PKD1: variants seen among roughly 807,000 people sequenced by gnomAD.
PKD1 encodes the protein polycystin 1, transient receptor potential channel interacting, also known as polycystin-1.
Under a neutral mutation model 361.7 loss-of-function variants are expected in PKD1, and 81 were observed. That is an observed-to-expected ratio of 0.22 (90% CI 0.19 to 0.27). PKD1 has a LOEUF of 0.27. Ranked by LOEUF, PKD1 falls within the 10% of genes least tolerant of loss-of-function variation. PKD1 has a pLI of 1.00. For synonymous variants in PKD1, 3,615 were observed against 2,818.3 expected (o/e 1.28, Z -8.95); for missense variants, 6,399 against 6,118.3 (o/e 1.05, Z -1.53).
intron 11 of PKD1, chr16:2,113,772 T>C (rs1177501801): frequency 6.0e-5 from 23 of 385,270 alleles, no homozygotes; most frequent in Non-Finnish European, 9.8e-5. Context: ...CTGTCCCCCA[T>C]GTACCCAGCA....
chr16:2,101,037 G>C (rs190307114), intron 26 of PKD1, among the ~76,000 whole-genome samples: 3 of 151,906 alleles, frequency 2.0e-5, no homozygotes, highest in African/African-American at 7.3e-5. Flanking sequence ...CCAGGCTGGA[G>C]TGCAGTGGCG....
At chr16:2,107,447 T>G (rs1336273981) in intron 16 of PKD1, 3 of 359,190 alleles carry the variant, frequency 8.4e-6, no homozygotes, top group African/African-American at 2.1e-5. Flanking sequence ...AGACGCCCAC[T>G]CTGGGGCACC....
At position 2,092,175 on chromosome 16, in the gene PKD1, G is replaced by A. The variant is rs779820557; in HGVS notation, c.11283C>T (p.Asp3761=). 33 of 1,605,912 alleles carry A rather than the reference G, an allele frequency of 2.1e-5. No homozygotes were observed. The South Asian group carries it at 3.2e-4, about 16-fold the overall frequency. The change falls in exon 40 of 46, where the codon GAC becomes GAT. Residue 3761 remains aspartate (D), a synonymous_variant. Transcript: ENST00000262304. The part of the protein sequence containing the change: ...QVRLQEALYP[D]PPGPRVHTCS... ...ACGTGTGGACCCTGGGGCCGGGAGG[G>A]TCTGGGTAGAGTGCTGAAACACACA...
At chr16:2,112,621 C>A in intron 13 of PKD1, 148 bp from the exon 14 acceptor site, 1 of 994,050 alleles carries the variant, frequency 1.0e-6, no homozygotes, top group Non-Finnish European at 1.5e-6. Context: ...TGAGGCCTCT[C>A]CCGGCTCCCG....
In PKD1 at chr16:2,097,386, CA is replaced by C. The variant is rs773494647; in HGVS notation, c.10337del (p.Leu3446ArgfsTer27). On this transcript the variant is annotated frameshift_variant, in exon 33 of 46. Transcript: ENST00000262304. LOFTEE classifies it high-confidence loss of function. ...GGGAGAAGCCGTCCTCCTCTGGGCC[CA>C]GCCCATGGCCCGCCTGGCCCCGTGC... ...QLARGQAGHG[L>X]GPEEDGFSLA... 2.9e-5 allele frequency: 46 copies of C among 1,611,390 alleles called. No individual in the cohort carries two copies. Among genetic ancestry groups the C allele is most frequent in the Admixed American group, 6.7e-5 (4 of 60,002 alleles).
In PKD1 at chr16:2,089,874, G is replaced by A. The variant is rs62038811; in HGVS notation, c.12765C>T (p.Pro4255=). The stretch of plus-strand genomic sequence containing the variant: ...GGGATGGGCCACGGGAAGATCCGGC[G>A]GGCGCCCGGCTGCTCCTGCGGCCTT... ...SLQGRRSSRA[P]AGSSRGPSPG... is the part of the protein sequence containing the mutation. Residue 4255 remains proline (P), a synonymous_variant, in exon 46 of 46, where the codon CCC becomes CCT. Coordinates refer to ENST00000262304, the MANE Select transcript of PKD1 (RefSeq NM_001009944.3). 10,662 of 1,609,788 alleles carry A rather than the reference G, an allele frequency of 6.6e-3. 49 individuals carry two copies. The highest frequency in any genetic ancestry group is 8.5e-3 in the Non-Finnish European group (10,059 of 1,178,876).
rs1448313391 is a variant in PKD1 at position 2,117,586 on chromosome 16, G to C, written c.1288C>G (p.Leu430Val). 2 of 1,609,124 alleles carry C rather than the reference G, an allele frequency of 1.2e-6. No individual in the cohort carries two copies. Among genetic ancestry groups the C allele is most frequent in the Non-Finnish European group, 1.7e-6 (2 of 1,178,944 alleles). The change falls in exon 6 of 46, where the codon CTG (leucine) becomes GTG (valine). Residue 430 changes from leucine (L) to valine (V), a missense_variant. Transcript: ENST00000262304. ...GCCTGACACTGCTCCTGCGCCTGCA[G>C]CCAGGCCGCCTTCTCCACCACCAGG... The part of the protein sequence containing the change: ...YRLVVEKAAW[L>V]QAQEQCQAWA...
chr16:2,098,733 T>C (rs1165187665), intron 30 of PKD1: 2 of 145,192 alleles, frequency 1.4e-5, no homozygotes, highest in African/African-American at 5.6e-5. Context: ...TGCTGTATTC[T>C]TGGAAAGAGT....
In PKD1 at chr16:2,108,744, G is replaced by A. The variant is rs752564712; in HGVS notation, c.6423C>T (p.Val2141=). Residue 2141 remains valine, a synonymous_variant, in exon 15 of 46, where the codon GTC becomes GTT. Coordinates refer to ENST00000262304, the MANE Select transcript of PKD1 (RefSeq NM_001009944.3). ...SFFVAQATVT[V]QVLACREPEV... is the part of the protein sequence containing the mutation. ...CCGGCTCCCGGCAGGCCAGCACCTG[G>A]ACGGTCACCGTGGCCTGCGCCACGA... is the stretch of plus-strand genomic sequence containing the variant. The A allele has an allele frequency of 6.4e-7, 1 of 1,571,596 alleles. No homozygotes were observed. The highest frequency in any genetic ancestry group is 1.8e-5 in the Admixed American group (1 of 55,612).
Position 2,111,901 on chromosome 16 carries a change from G to A in PKD1, c.3296-30C>T, listed in dbSNP as rs371815761. 155 of 1,608,318 alleles carry A rather than the reference G, an allele frequency of 9.6e-5. 1 individual carries two copies. The highest frequency in any genetic ancestry group is 3.8e-4 in the Admixed American group (23 of 59,906). ...GGGGACAGGCCCGAGTGGGGCAGCC[G>A]CGGCACCCCCACCTGCTCCCCACCC... On this transcript the variant is annotated intron_variant, in intron 14 of 45. Coordinates refer to ENST00000262304, the MANE Select transcript of PKD1 (RefSeq NM_001009944.3).
chr16:2,102,534 C>T lies in PKD1; in HGVS notation c.9048G>A (p.Gln3016=). The change falls in exon 25 of 46, where the codon CAG becomes CAA. Residue 3016 remains glutamine (Q), a synonymous_variant. Coordinates refer to ENST00000262304, the MANE Select transcript of PKD1 (RefSeq NM_001009944.3). The part of the protein sequence containing the change: ...VSVGLYTSLC[Q]YFSEEDMVWR... ...ACACCATGTCCTCCTCGCTGAAGTA[C>T]TGGCACAGGGACGTGTACAGGCCCA... is the stretch of plus-strand genomic sequence containing the variant. 1.2e-6 allele frequency: 2 copies of T among 1,609,682 alleles called. No individual in the cohort carries two copies. Among genetic ancestry groups the T allele is most frequent in the Non-Finnish European group, 8.5e-7 (1 of 1,179,272 alleles).
At position 2,118,683 on chromosome 16, in the gene PKD1, A is replaced by C; in HGVS notation, c.522T>G (p.Ser174Arg). 2.1e-6 allele frequency: 3 copies of C among 1,450,044 alleles called. No homozygotes were observed. Among genetic ancestry groups the C allele is most frequent in the Non-Finnish European group, 1.9e-6 (2 of 1,065,566 alleles). 89.8% of individuals were successfully genotyped at this position (1,450,044 alleles called of 1,614,324 possible). Reference sequence around the variant, plus strand: ...CCACCCACCGGCACTCACCACAGCCACTGTCCAGCAAGGGGATGCCAAGCA... The same window carrying C: ...CCACCCACCGGCACTCACCACAGCCCCTGTCCAGCAAGGGGATGCCAAGCA... ...QPLLGIPLLDSGCGEEYVACL... is the reference protein window; with the variant it reads ...QPLLGIPLLDRGCGEEYVACL... The change falls in exon 4 of 46, where the codon AGT becomes AGG. Residue 174 changes from serine to arginine, a missense_variant. Ser to Arg is a moderately radical substitution (Grantham distance 110). Coordinates refer to ENST00000262304, the MANE Select transcript of PKD1 (RefSeq NM_001009944.3). The surrounding 1 kb of genome is among the most constrained non-coding windows in gnomAD (Gnocchi z 6.0).
rs1300169057 is a variant in PKD1, at chr16:2,104,560, G to A, written c.8099C>T (p.Ala2700Val). 5.6e-6 allele frequency: 9 copies of A among 1,599,122 alleles called. No individual in the cohort carries two copies. The highest frequency in any genetic ancestry group is 2.3e-5 in the East Asian group (1 of 44,412). ...KLEAMMLILQAETTAGTVTPT... is the reference protein window; with the variant it reads ...KLEAMMLILQVETTAGTVTPT... The stretch of plus-strand genomic sequence containing the variant: ...CGTCACGGTGCCCGCGGTGGTCTCT[G>A]CCTGCAGGATGAGCATCATGGCCTC... Residue 2700 changes from alanine (A) to valine (V), a missense_variant, in exon 22 of 46, where the codon GCA (alanine) becomes GTA (valine). Transcript: ENST00000262304.
In PKD1 at chr16:2,105,394, C is replaced by T; in HGVS notation, c.7944G>A (p.Glu2648=). Residue 2648 remains glutamate (E), a synonymous_variant, in exon 21 of 46, where the codon GAG becomes GAA. Transcript: ENST00000262304. The stretch of plus-strand genomic sequence containing the variant: ...TGTGGACCCTCAGGGACACCAGAGT[C>T]TCCGTGATGTTCTTGCGTATCTGGG... ...HRAQIRKNIT[E]TLVSLRVHTV... 6.3e-7 allele frequency: 1 copy of T among 1,585,712 alleles called. No individual in the cohort carries two copies. The highest frequency in any genetic ancestry group is 1.7e-5 in the Admixed American group (1 of 59,964).
intron 23 of PKD1, 62 bp from the exon 24 acceptor site, chr16:2,103,032 C>G (rs530714435): frequency 1.3e-6 from 2 of 1,558,208 alleles, no homozygotes; most frequent in South Asian, 2.2e-5. Flanking sequence ...GGGACACCCA[C>G]GATGGCCCTC....
Position 2,091,072 on chromosome 16 carries a change from A to C in PKD1, c.11815T>G (p.Trp3939Gly), listed in dbSNP as rs1261196380. 1.3e-6 allele frequency: 2 copies of C among 1,514,912 alleles called. No homozygotes were observed. The highest frequency in any genetic ancestry group is 2.0e-5 in the Admixed American group (1 of 49,222). 93.8% of individuals were successfully genotyped at this position (1,514,912 alleles called of 1,614,324 possible). A position where few individuals can be genotyped will look rare whatever the true frequency, so the allele number is the denominator to read the frequency against. The change falls in exon 43 of 46, where the codon TGG (tryptophan) becomes GGG (glycine). Residue 3939 changes from tryptophan to glycine, a missense_variant. By Grantham distance (184) the Trp-to-Gly change is radical. Transcript: ENST00000262304. ...GCCGCCGTCAGCGCCACCAGCAGCCACCGCGCCCAGGCTCCGAGCCGCAGC... is the reference window on the plus strand; with the variant it reads ...GCCGCCGTCAGCGCCACCAGCAGCCCCCGCGCCCAGGCTCCGAGCCGCAGC... ...RVLRLGAWAR[W>G]LLVALTAATA... is the part of the protein sequence containing the mutation.
chr16:2,133,168 G>C (rs952997746), intron 1 of PKD1: 1 of 150,754 alleles, frequency 6.6e-6, no homozygotes, highest in African/African-American at 2.5e-5. Flanking sequence ...GGGGTGGGGG[G>C]TCTGTGAGTC....
intron 1 of PKD1, among the ~76,000 whole-genome samples, chr16:2,131,413 C>A (rs1228476112): frequency 2.0e-5 from 3 of 152,096 alleles, no homozygotes; most frequent in African/African-American, 4.8e-5. Flanking sequence ...GAGGCTGAGG[C>A]AGGAGAATGG....
At position 2,097,374 on chromosome 16, in the gene PKD1, C is replaced by T. The variant is rs1391324708; in HGVS notation, c.10350G>A (p.Glu3450=). 3.1e-6 allele frequency: 5 copies of T among 1,611,734 alleles called. No homozygotes were observed. The highest frequency in any genetic ancestry group is 1.3e-5 in the African/African-American group (1 of 74,942). Residue 3450 remains glutamate (E), a synonymous_variant, in exon 33 of 46, where the codon GAG becomes GAA. Coordinates refer to ENST00000262304, the MANE Select transcript of PKD1 (RefSeq NM_001009944.3). Reference sequence around the variant, plus strand: ...AGGGGCTGGCCAGGGAGAAGCCGTCCTCCTCTGGGCCCAGCCCATGGCCCG... The same window carrying T: ...AGGGGCTGGCCAGGGAGAAGCCGTCTTCCTCTGGGCCCAGCCCATGGCCCG... ...GQAGHGLGPE[E]DGFSLASPYS...
Sources: allele counts gnomAD v4.1 joint callset (sites outside exome capture counted in the v4.1 genomes callset), GRCh38; gene constraint gnomAD v4.1.1; non-coding constraint Gnocchi (gnomAD v3.1); transcripts MANE v1.5; gene names NCBI Gene and HGNC (gene_info 2026-07-23, HGNC 2026-07-21).